STK32B: variants seen among roughly 807,000 people sequenced by gnomAD.
The protein encoded by STK32B is serine/threonine-protein kinase 32B.
In STK32B, 43 loss-of-function variants were observed where a neutral mutation model predicts 52.6. That is an observed-to-expected ratio of 0.82 (90% confidence interval 0.64 to 1.05). The LOEUF (loss-of-function observed/expected upper bound fraction) is 1.05, where lower values mean the gene tolerates loss of function less well. STK32B is among the 50% of genes least tolerant of loss of function. STK32B has a pLI of 0.00. For missense variants in STK32B, 621 were observed against 534.6 expected (o/e 1.16, Z -1.59); for synonymous variants, 238 against 204.3 (o/e 1.17, Z -1.41).
chr4:5,233,738 C>T lies in STK32B; in HGVS notation c.260+65288C>T, dbSNP rs772035006. Among the ~76,000 whole-genome samples the T allele has an allele frequency of 6.0e-5, 9 of 150,546 alleles. 1 individual carries two copies. Among genetic ancestry groups the T allele is most frequent in the Admixed American group, 4.0e-4 (6 of 15,000 alleles). ...ACTTGGGAGGCTGGGGTCACACATG[C>T]GGGAGGAGGGACTTGGGATAGAGAG... is the stretch of plus-strand genomic sequence containing the variant. On this transcript the variant is annotated intron_variant, in intron 3 of 11. Coordinates refer to ENST00000282908, the MANE Select transcript of STK32B (RefSeq NM_018401.3).
chr4:5,202,293 C>A (rs1345681934), intron 3 of STK32B, among the ~76,000 whole-genome samples: 1 of 152,248 alleles, frequency 6.6e-6, no homozygotes, highest in Non-Finnish European at 1.5e-5. Flanking sequence ...CATGCTGTTA[C>A]AAAGGTTGGG....
Position 5,158,576 on chromosome 4 carries a change from C to T in STK32B, c.109-9723C>T, listed in dbSNP as rs533831129. Among the ~76,000 whole-genome samples the T allele has an allele frequency of 3.3e-5, 5 of 152,292 alleles. No homozygotes were observed. In the South Asian group the frequency reaches 8.3e-4, roughly 25 times the overall value. On this transcript the variant is annotated intron_variant, in intron 2 of 11. Coordinates refer to ENST00000282908, the MANE Select transcript of STK32B (RefSeq NM_018401.3). ...CCAGTGCTCTCAGAACAAAAGTCAA[C>T]AGTGTTAGTCTGCTCGAGCTGCCAC...
At chr4:5,494,627 G>A in intron 11 of STK32B, among the ~76,000 whole-genome samples, 1 of 152,100 alleles carries the variant, frequency 6.6e-6, no homozygotes, top group Non-Finnish European at 1.5e-5. Context: ...GATGATGTTA[G>A]CTGGTTATTT....
chr4:5,313,142 A>G (rs542541624), intron 3 of STK32B, among the ~76,000 whole-genome samples: 2 of 151,248 alleles, frequency 1.3e-5, no homozygotes, highest in South Asian at 2.1e-4. Flanking sequence ...GCTCCAACCT[A>G]TTATCAAGTA....
Position 5,152,348 on chromosome 4 carries a change from A to C in STK32B, c.108+12388A>C, listed in dbSNP as rs532426070. On this transcript the variant is annotated intron_variant, in intron 2 of 11. Transcript: ENST00000282908. ...TGACACTTGCTTCCTTGTATTTTGC[A>C]ACCTGGACACATCACTAGCCTCACC... 7.2e-5 allele frequency among the ~76,000 whole-genome samples: 11 copies of C among 152,280 alleles called. No individual in the cohort carries two copies. In the South Asian group the frequency reaches 2.3e-3, roughly 32 times the overall value.
At position 5,453,378 on chromosome 4, in the gene STK32B, C is replaced by G. The variant is rs974507114; in HGVS notation, c.667-3429C>G. 2.0e-5 allele frequency among the ~76,000 whole-genome samples: 3 copies of G among 152,056 alleles called. No homozygotes were observed. Among genetic ancestry groups the G allele is most frequent in the African/African-American group, 4.8e-5 (2 of 41,408 alleles). On this transcript the variant is annotated intron_variant, in intron 7 of 11. Coordinates refer to ENST00000282908, the MANE Select transcript of STK32B (RefSeq NM_018401.3). The surrounding 1 kb of genome is among the most constrained non-coding windows in gnomAD (Gnocchi z 4.0). ...TTCTGGCTGGTGTTCAAGTTGGGTGCTTGGATTCTGGGTCTCTGGTGGCAA... is the reference window on the plus strand; with the variant it reads ...TTCTGGCTGGTGTTCAAGTTGGGTGGTTGGATTCTGGGTCTCTGGTGGCAA...
At chr4:5,258,061 C>T (rs533160356) in intron 3 of STK32B, among the ~76,000 whole-genome samples, 4 of 152,360 alleles carry the variant, frequency 2.6e-5, no homozygotes, top group African/African-American at 7.2e-5. Context: ...ACTTCACTCT[C>T]TGTGCCTGTG....
intron 3 of STK32B, among the ~76,000 whole-genome samples, chr4:5,227,900 C>T (rs774236618): frequency 3.3e-5 from 5 of 152,110 alleles, no homozygotes; most frequent in African/African-American, 4.8e-5. Flanking sequence ...AGTTTGGTGC[C>T]ACTGCTTGAA....
chr4:5,164,100 A>T (rs1718672015), intron 2 of STK32B, among the ~76,000 whole-genome samples: 1 of 152,268 alleles, frequency 6.6e-6, no homozygotes, highest in Middle Eastern at 3.4e-3. Flanking sequence ...GCAGTGGTGG[A>T]CCCTTATAGA....
rs972044888 is a variant in STK32B, at chr4:5,499,143, C to G, written c.*60C>G. The G allele has an allele frequency of 3.9e-6, 6 of 1,525,612 alleles. No homozygotes were observed. Among genetic ancestry groups the G allele is most frequent in the Admixed American group, 1.9e-5 (1 of 51,818 alleles). 94.5% of individuals were successfully genotyped at this position (1,525,612 alleles called of 1,614,324 possible). A position where few individuals can be genotyped will look rare whatever the true frequency, so the allele number is the denominator to read the frequency against. Reference sequence around the variant, plus strand: ...CGTCTCTGCCCTGCCCACCCAGAGCCCCTCTTTGTGCCCTGATGGTCCCTG... The same window carrying G: ...CGTCTCTGCCCTGCCCACCCAGAGCGCCTCTTTGTGCCCTGATGGTCCCTG... On this transcript the variant is annotated 3_prime_UTR_variant, in exon 12 of 12. Transcript: ENST00000282908.
At chr4:5,042,242 G>A in the STK32B span, among the ~76,000 whole-genome samples, 1 of 152,208 alleles carries the variant, frequency 6.6e-6, no homozygotes. Context: ...TAGAGCCACA[G>A]GAGAAGTTCT....
intron 1 of STK32B, among the ~76,000 whole-genome samples, chr4:5,074,414 C>A (rs1427442628): frequency 6.6e-6 from 1 of 151,918 alleles, no homozygotes; most frequent in African/African-American, 2.4e-5. Context: ...ATTCCTCATG[C>A]CTTTGTCCAC....
intron 3 of STK32B, among the ~76,000 whole-genome samples, chr4:5,326,568 T>C (rs1246821232): frequency 6.6e-6 from 1 of 152,200 alleles, no homozygotes; most frequent in Non-Finnish European, 1.5e-5. Context: ...TTCTAGTGCC[T>C]TTAAAAGTTA....
At chr4:5,171,287 G>C (rs1016107706) in intron 3 of STK32B, among the ~76,000 whole-genome samples, 2 of 151,948 alleles carry the variant, frequency 1.3e-5, no homozygotes, top group Non-Finnish European at 2.9e-5. Context: ...GGTTTCTTTT[G>C]CTGTGCAGAA....
chr4:5,261,239 C>T (rs1196903682), intron 3 of STK32B, among the ~76,000 whole-genome samples: 1 of 152,144 alleles, frequency 6.6e-6, no homozygotes, highest in African/African-American at 2.4e-5. Context: ...AATTATGAGG[C>T]TTGCAACTTA....
At chr4:5,401,848 C>T (rs913658208) in intron 5 of STK32B, among the ~76,000 whole-genome samples, 2 of 152,208 alleles carry the variant, frequency 1.3e-5, no homozygotes, top group Admixed American at 6.5e-5. Context: ...CTCACAGCAT[C>T]CTGGGGTTGA....
At chr4:5,277,907 G>T (rs1195280435) in intron 3 of STK32B, among the ~76,000 whole-genome samples, 2 of 152,164 alleles carry the variant, frequency 1.3e-5, no homozygotes, top group Non-Finnish European at 2.9e-5. Context: ...CACTCAGCAG[G>T]TGTTCATTAT....
rs1465195941 is a variant in STK32B, at chr4:5,168,325, T to G, written c.135T>G (p.Thr45=). 6.2e-7 allele frequency: 1 copy of G among 1,613,948 alleles called. No homozygotes were observed. Among genetic ancestry groups the G allele is most frequent in the Admixed American group, 1.7e-5 (1 of 60,010 alleles). The change falls in exon 3 of 12, where the codon ACT becomes ACG. Residue 45 remains threonine (T), a synonymous_variant. Transcript: ENST00000282908. ...GKVCIVQKRD[T]KKMYAMKYMN... The stretch of plus-strand genomic sequence containing the variant: ...TATGCATCGTGCAGAAGCGAGACAC[T>G]AAGAAAATGTATGCAATGAAGTACA...
intron 3 of STK32B, among the ~76,000 whole-genome samples, chr4:5,297,039 C>G (rs974097260): frequency 6.6e-6 from 1 of 152,096 alleles, no homozygotes; most frequent in African/African-American, 2.4e-5. Context: ...GTTTATGAAG[C>G]TTAGTTTGGC....
Sources: allele counts gnomAD v4.1 joint callset (sites outside exome capture counted in the v4.1 genomes callset), GRCh38; gene constraint gnomAD v4.1.1; non-coding constraint Gnocchi (gnomAD v3.1); transcripts MANE v1.5; gene names NCBI Gene and HGNC (gene_info 2026-07-23, HGNC 2026-07-21).